Variants in DCDC2C observed in about 807,000 individuals in gnomAD.
DCDC2C encodes the protein doublecortin domain-containing protein 2C.
A neutral mutation model predicts 45.0 loss-of-function variants in DCDC2C; 44 were observed. The observed-to-expected ratio is 0.98, with a 90% CI of 0.77 to 1.26. The LOEUF (loss-of-function observed/expected upper bound fraction) is 1.26, where lower values mean the gene tolerates loss of function less well. Among genes scored for constraint, DCDC2C ranks in the 50% most tolerant of loss-of-function variants. The pLI is 0.00. For missense variants in DCDC2C, 447 were observed against 468.9 expected (o/e 0.95, Z 0.43); for synonymous variants, 187 against 178.8 (o/e 1.05, Z -0.37).
At chr2:3,706,434 C>T (rs1668066908) in intron 1 of DCDC2C, among the ~76,000 whole-genome samples, 1 of 152,100 alleles carries the variant, frequency 6.6e-6, no homozygotes, top group African/African-American at 2.4e-5. Context: ...ATAATAATTA[C>T]TTTTCAAAAC....
chr2:3,726,891 A>G (rs1304862622), intron 2 of DCDC2C, 112 bp from the exon 3 acceptor site: 10 of 960,512 alleles, frequency 1.0e-5, no homozygotes, highest in Admixed American at 4.5e-5. Flanking sequence ...TCTATTGACA[A>G]AGGGGTTCCC....
At chr2:3,841,611 C>A (rs2034729) in intron 10 of DCDC2C, among the ~76,000 whole-genome samples, 82,647 of 151,974 alleles carry the variant, frequency 0.54, 22,703 homozygotes, top group South Asian at 0.63. Context: ...CTGAGCTGGG[C>A]ACTTCAGAAA....
At chr2:3,771,790 C>A (rs1215472668) in intron 8 of DCDC2C, among the ~76,000 whole-genome samples, 1 of 152,310 alleles carries the variant, frequency 6.6e-6, no homozygotes, top group South Asian at 2.1e-4. Context: ...CCCCACTCTG[C>A]GCCTGGCCCG....
In DCDC2C at chr2:3,705,452, G is replaced by T. The variant is rs544874663; in HGVS notation, c.287+1414G>T. Among the ~76,000 whole-genome samples the T allele has an allele frequency of 9.9e-4, 151 of 152,272 alleles. 2 individuals carry two copies. Among genetic ancestry groups the T allele is most frequent in the Middle Eastern group, 3.4e-3 (1 of 294 alleles). ...TATCTAGAACTGACATCCTACCCAG[G>T]ATCCAGTGTTCAGTGCTGATTTACA... On this transcript the variant is annotated intron_variant, in intron 1 of 10. Transcript: ENST00000399143.
intron 9 of DCDC2C, among the ~76,000 whole-genome samples, chr2:3,783,651 A>T (rs773129223): frequency 6.6e-6 from 1 of 152,272 alleles, no homozygotes; most frequent in Non-Finnish European, 1.5e-5. Flanking sequence ...CTTGAGCTTG[A>T]TAGAGACTCT....
chr2:3,742,121 G>T, intron 4 of DCDC2C, 73 bp downstream of exon 4: 1 of 1,430,746 alleles, frequency 7.0e-7, no homozygotes, highest in Non-Finnish European at 9.2e-7. Context: ...AGAGTTTTCT[G>T]CCTGGACCAG....
chr2:3,779,031 C>T lies in DCDC2C; in HGVS notation c.1023+147C>T, dbSNP rs138446316. 605 of 733,458 alleles carry T rather than the reference C, an allele frequency of 8.2e-4. 5 individuals are homozygous for T. In the East Asian group the frequency reaches 0.014, roughly 16 times the overall value. The allele number at this position is 733,458 out of a possible 1,614,324, so 45.4% of individuals were successfully genotyped here. On this transcript the variant is annotated intron_variant, in intron 9 of 10. Coordinates refer to ENST00000399143, the MANE Select transcript of DCDC2C (RefSeq NM_001287444.2). ...CGCGGAATCGGAAGCGAGTGCATTT[C>T]GCAGGCAGCCGTGGACACGATCGGG...
intron 10 of DCDC2C, among the ~76,000 whole-genome samples, chr2:3,837,607 G>C (rs1672112458): frequency 7.0e-6 from 1 of 141,902 alleles, no homozygotes; most frequent in Non-Finnish European, 1.6e-5. Context: ...TCATCTAAAG[G>C]GGAAGAAACT....
chr2:3,745,785 A>G (rs1256504032), intron 4 of DCDC2C, among the ~76,000 whole-genome samples: 1 of 151,898 alleles, frequency 6.6e-6, no homozygotes, highest in Non-Finnish European at 1.5e-5. Context: ...ATCACAGCTC[A>G]CTGAGCCTTG....
rs536462253 is a variant in DCDC2C at position 3,739,032 on chromosome 2, T to A, written c.417-2888T>A. On this transcript the variant is annotated intron_variant, in intron 3 of 10. Coordinates refer to ENST00000399143, the MANE Select transcript of DCDC2C (RefSeq NM_001287444.2). ...CTGCTCAACCAGCAAATTTTAGAGA[T>A]GTGTGAAATCCATTTCTCCCTCTGA... Among the ~76,000 whole-genome samples, 13 of 152,348 alleles carry A rather than the reference T, an allele frequency of 8.5e-5. No homozygotes were observed. The South Asian group carries it at 1.9e-3, about 22-fold the overall frequency.
At chr2:3,715,606 T>TCCATCCATCCATCCATCCTTC (rs1157499865) in intron 2 of DCDC2C, among the ~76,000 whole-genome samples, 1 of 136,710 alleles carries the variant, frequency 7.3e-6, no homozygotes, top group Non-Finnish European at 1.6e-5. Context: ...ATCCATCCAT[T>TCCATCCATCCATCCATCCTTC]CATCCAATTT....
intron 10 of DCDC2C, among the ~76,000 whole-genome samples, chr2:3,843,398 C>T (rs1268285731): frequency 2.0e-5 from 3 of 150,196 alleles, no homozygotes; most frequent in Admixed American, 6.6e-5. Flanking sequence ...GCCGAGTTCT[C>T]CACGTCAGCT....
chr2:3,837,197 G>GA (rs1672103467), intron 10 of DCDC2C, among the ~76,000 whole-genome samples: 1 of 152,182 alleles, frequency 6.6e-6, no homozygotes, highest in Non-Finnish European at 1.5e-5. Flanking sequence ...CTCTTCAGGT[G>GA]AAAACGGTAT....
chr2:3,815,807 C>G (rs1028633676), intron 10 of DCDC2C, among the ~76,000 whole-genome samples: 9 of 152,256 alleles, frequency 5.9e-5, no homozygotes, highest in Admixed American at 3.3e-4. Context: ...GTAATGTCAT[C>G]AGTTAAGGCA....
At chr2:3,836,120 C>T (rs1423181884) in intron 10 of DCDC2C, among the ~76,000 whole-genome samples, 1 of 152,100 alleles carries the variant, frequency 6.6e-6, no homozygotes, top group Non-Finnish European at 1.5e-5. Flanking sequence ...GCGCCACCCA[C>T]CTGTGGTCAA....
At chr2:3,747,050 A>G (rs535465076) in intron 4 of DCDC2C, among the ~76,000 whole-genome samples, 258 of 152,270 alleles carry the variant, frequency 1.7e-3, no homozygotes, top group African/African-American at 6.1e-3. Context: ...GTGGATACCC[A>G]GGGCTGCAGC....
intron 10 of DCDC2C, among the ~76,000 whole-genome samples, chr2:3,817,606 T>A (rs11675030): frequency 1.3e-5 from 2 of 152,112 alleles, no homozygotes; most frequent in African/African-American, 4.8e-5. Context: ...AGCTGCCACA[T>A]GCAGACATGA....
At chr2:3,791,668 G>T (rs1338478511) in intron 10 of DCDC2C, among the ~76,000 whole-genome samples, 1 of 152,148 alleles carries the variant, frequency 6.6e-6, no homozygotes, top group East Asian at 1.9e-4. Context: ...TTGCTTCCCA[G>T]CTTCCCCGGG....
chr2:3,732,093 A>T (rs1452177033), intron 3 of DCDC2C, among the ~76,000 whole-genome samples: 1 of 152,168 alleles, frequency 6.6e-6, no homozygotes. Context: ...GCGCAGGCAG[A>T]TCGAGATGGA....
Sources: gnomAD v4.1 joint callset for allele counts (sites outside exome capture counted in the v4.1 genomes callset) on GRCh38, gnomAD v4.1.1 for gene constraint, MANE v1.5 for transcripts, NCBI Gene and HGNC (gene_info 2026-07-23, HGNC 2026-07-21) for gene names.